Variants in PRIM2 observed in about 807,000 individuals in gnomAD.
PRIM2 encodes the protein DNA primase large subunit.
In PRIM2, 39 loss-of-function variants were observed where a neutral mutation model predicts 67.3. That is an observed-to-expected ratio of 0.58 (90% CI 0.45 to 0.76). The LOEUF is 0.76. PRIM2 is among the 30% of genes least tolerant of loss of function. PRIM2 has a pLI of 0.00. For missense variants in PRIM2, 398 were observed against 598.7 expected, an observed-to-expected ratio of 0.66 and a Z score of 3.50; for synonymous variants, 143 against 198.7, an observed-to-expected ratio of 0.72 and a Z score of 2.36.
At chr6:57,630,859 A>G (rs1348876762) in intron 12 of PRIM2, among the ~76,000 whole-genome samples, 6 of 152,358 alleles carry the variant, frequency 3.9e-5, no homozygotes, top group Non-Finnish European at 8.8e-5. Context: ...GAAAACTTGC[A>G]GAATAAATTT....
chr6:57,443,952 G>T (rs556709249), intron 7 of PRIM2, among the ~76,000 whole-genome samples: 5 of 152,198 alleles, frequency 3.3e-5, no homozygotes, highest in Admixed American at 2.6e-4. Flanking sequence ...TATGGTGTGA[G>T]ATAAGGGTCC....
intron 5 of PRIM2, among the ~76,000 whole-genome samples, chr6:57,374,653 C>T (rs1362216407): frequency 5.9e-5 from 9 of 152,004 alleles, no homozygotes; most frequent in Admixed American, 1.3e-4. Flanking sequence ...TGCAGTGGCG[C>T]GATCTCAGCT....
At chr6:57,467,480 T>C (rs1773232458) in intron 7 of PRIM2, among the ~76,000 whole-genome samples, 1 of 152,208 alleles carries the variant, frequency 6.6e-6, no homozygotes, top group Non-Finnish European at 1.5e-5. Flanking sequence ...GTTCCATTGA[T>C]CTATATATCT....
At chr6:57,619,034 G>A (rs1358258679) in intron 12 of PRIM2, among the ~76,000 whole-genome samples, 3 of 152,080 alleles carry the variant, frequency 2.0e-5, no homozygotes, top group South Asian at 2.1e-4. Context: ...ACCTTCTGCC[G>A]CCTCCAATGG....
intron 7 of PRIM2, among the ~76,000 whole-genome samples, chr6:57,418,632 C>G (rs1771360932): frequency 6.6e-6 from 1 of 151,692 alleles, no homozygotes; most frequent in Non-Finnish European, 1.5e-5. Flanking sequence ...GATCTCTTGA[C>G]CTCGTGATCC....
At chr6:57,238,963 G>A in the PRIM2 span, among the ~76,000 whole-genome samples, 1 of 151,852 alleles carries the variant, frequency 6.6e-6, no homozygotes, top group African/African-American at 2.4e-5. Context: ...ATCCCACAAT[G>A]TATTCCCTGT....
upstream of PRIM2, among the ~76,000 whole-genome samples, chr6:57,315,759 T>C (rs1767468971): frequency 6.6e-6 from 1 of 152,174 alleles, no homozygotes; most frequent in South Asian, 2.1e-4. Context: ...AAAATACTTC[T>C]GTGAATTTTT....
chr6:57,418,205 A>G (rs1771334610), intron 7 of PRIM2, among the ~76,000 whole-genome samples: 2 of 152,102 alleles, frequency 1.3e-5, no homozygotes, highest in Admixed American at 1.3e-4. Context: ...GAAAATAGGC[A>G]GAGGACCACA....
chr6:57,297,205 GTTGAGGCGGGTGGATCAC>G, the PRIM2 span, among the ~76,000 whole-genome samples: 1 of 152,132 alleles, frequency 6.6e-6, no homozygotes, highest in Non-Finnish European at 1.5e-5. Context: ...ACTTTGGGAG[GTTGAGGCGGGTGGATCAC>G]TTGAGGTCAG....
At chr6:57,368,007 C>A (rs1246259769) in intron 5 of PRIM2, among the ~76,000 whole-genome samples, 4 of 152,190 alleles carry the variant, frequency 2.6e-5, no homozygotes, top group Non-Finnish European at 5.9e-5. Flanking sequence ...GATTACATCA[C>A]AGTGCATTTG....
chr6:57,277,439 A>G, the PRIM2 span, among the ~76,000 whole-genome samples: 4 of 152,182 alleles, frequency 2.6e-5, no homozygotes, highest in Non-Finnish European at 5.9e-5. Context: ...TATATGTCAA[A>G]TAATGCTGGA....
intron 5 of PRIM2, among the ~76,000 whole-genome samples, chr6:57,346,531 GCTGGTCTTGAA>G (rs1374446149): frequency 6.6e-6 from 1 of 152,094 alleles, no homozygotes; most frequent in East Asian, 1.9e-4. Context: ...TATTGGTCAG[GCTGGTCTTGAA>G]CTCCTGACCT....
At chr6:57,583,258 A>G (rs1202074216) in intron 10 of PRIM2, among the ~76,000 whole-genome samples, 18 of 149,442 alleles carry the variant, frequency 1.2e-4, no homozygotes, top group African/African-American at 4.4e-4. Flanking sequence ...TACATGTGAC[A>G]TGCTGGTGCA....
At chr6:57,362,158 A>G (rs1581828480) in intron 5 of PRIM2, among the ~76,000 whole-genome samples, 1 of 152,326 alleles carries the variant, frequency 6.6e-6, no homozygotes, top group Middle Eastern at 3.4e-3. Context: ...AGTTACAAAT[A>G]TATATATTTG....
At chr6:57,339,703 A>G (rs945484391) in intron 5 of PRIM2, among the ~76,000 whole-genome samples, 10 of 152,194 alleles carry the variant, frequency 6.6e-5, no homozygotes, top group South Asian at 2.1e-4. Flanking sequence ...ACAAAAATCA[A>G]TTCAAGATAG....
chr6:57,249,769 C>A, the PRIM2 span, among the ~76,000 whole-genome samples: 1 of 151,918 alleles, frequency 6.6e-6, no homozygotes, highest in Non-Finnish European at 1.5e-5. Flanking sequence ...AAAAAGAATA[C>A]CTATGCTAAC....
At chr6:57,453,312 A>G (rs903914434) in intron 7 of PRIM2, among the ~76,000 whole-genome samples, 2 of 152,112 alleles carry the variant, frequency 1.3e-5, no homozygotes, top group Non-Finnish European at 2.9e-5. Context: ...GTTTTTTCCA[A>G]TTCTGTGAAG....
At chr6:57,267,052 A>G in the PRIM2 span, among the ~76,000 whole-genome samples, 3 of 152,224 alleles carry the variant, frequency 2.0e-5, no homozygotes, top group African/African-American at 7.2e-5. Flanking sequence ...GGTATGAAAG[A>G]CAAATGTCTT....
chr6:57,230,618 CA>C, the PRIM2 span, among the ~76,000 whole-genome samples: 1 of 152,174 alleles, frequency 6.6e-6, no homozygotes, highest in South Asian at 2.1e-4. Context: ...CATCACTTGC[CA>C]GGGGTCGTAA....
Sources: gnomAD v4.1 joint callset for allele counts (sites outside exome capture counted in the v4.1 genomes callset) on GRCh38, gnomAD v4.1.1 for gene constraint, MANE v1.5 for transcripts, NCBI Gene and HGNC (gene_info 2026-07-23, HGNC 2026-07-21) for gene names.